ATF7: variants seen among roughly 807,000 people sequenced by gnomAD.
ATF7 encodes the protein activating transcription factor 7.
In ATF7, 10 loss-of-function variants were observed where a neutral mutation model predicts 50.4. The observed-to-expected ratio is 0.20, with a 90% confidence interval of 0.12 to 0.34. The LOEUF is 0.34. Among genes scored for constraint, ATF7 ranks in the 10% least tolerant of loss-of-function variants. ATF7 has a pLI of 1.00. For synonymous variants in ATF7, 201 were observed against 226.4 expected (o/e 0.89, Z 1.01); for missense variants, 465 against 613.9 (o/e 0.76, Z 2.56).
In ATF7 at chr12:53,524,688, C is replaced by T. The variant is rs1333584812; in HGVS notation, c.1001G>A (p.Arg334Gln). 2.5e-6 allele frequency: 4 copies of T among 1,613,390 alleles called. No individual in the cohort carries two copies. Among genetic ancestry groups the T allele is most frequent in the East Asian group, 2.2e-5 (1 of 44,890 alleles). Reference protein sequence around the residue: ...RRTVDEDPDERRQRFLERNRA... With the variant: ...RRTVDEDPDEQRQRFLERNRA... ...GTTGCGCTCCAGAAAGCGCTGCCGTCGCTCATCTGGATCTTCATCTACTGT... is the reference window on the plus strand; with the variant it reads ...GTTGCGCTCCAGAAAGCGCTGCCGTTGCTCATCTGGATCTTCATCTACTGT... Residue 334 changes from arginine (R) to glutamine (Q), a missense_variant, in exon 10 of 12, where the codon CGA (arginine) becomes CAA (glutamine). Physicochemically the swap from Arg to Gln is conservative, Grantham distance 43. Coordinates refer to ENST00000420353, the MANE Select transcript of ATF7 (RefSeq NM_006856.3). This position sits in a 1 kb window ranked among gnomAD's most constrained non-coding sequence, Gnocchi z 4.6.
At chr12:53,615,752 G>A (rs551274849) in intron 1 of ATF7, among the ~76,000 whole-genome samples, 2 of 152,066 alleles carry the variant, frequency 1.3e-5, no homozygotes, top group Admixed American at 6.6e-5. Flanking sequence ...GGGGGTGTGC[G>A]TCTGTAGTCC....
At chr12:53,542,267 T>TA (rs1272320832) in intron 4 of ATF7, among the ~76,000 whole-genome samples, 6 of 148,166 alleles carry the variant, frequency 4.0e-5, no homozygotes, top group Non-Finnish European at 6.0e-5. Flanking sequence ...CTACTAAACA[T>TA]AAAAAAAAAA....
intron 3 of ATF7, among the ~76,000 whole-genome samples, chr12:53,546,249 G>A (rs904257143): frequency 1.1e-4 from 17 of 151,886 alleles, no homozygotes; most frequent in Admixed American, 7.2e-4. Context: ...ATTAACCGGT[G>A]TGGTGGTACA....
At chr12:53,607,786 A>G (rs1168861023) in intron 1 of ATF7, among the ~76,000 whole-genome samples, 1 of 152,240 alleles carries the variant, frequency 6.6e-6, no homozygotes, top group Non-Finnish European at 1.5e-5. Context: ...GGATAATGGC[A>G]TCCTAGGTGA....
chr12:53,587,843 A>ATATATATATATATATATTTTTTTTT, intron 2 of ATF7, among the ~76,000 whole-genome samples: 1 of 61,568 alleles, frequency 1.6e-5, no homozygotes, highest in African/African-American at 5.1e-5. Context: ...ATATATATAT[A>ATATATATATATATATATTTTTTTTT]TTTTTTTTTT....
chr12:53,543,615 G>C (rs957042891), intron 3 of ATF7, among the ~76,000 whole-genome samples, 167 bp from the exon 4 acceptor site: 4 of 152,158 alleles, frequency 2.6e-5, no homozygotes, highest in Admixed American at 1.3e-4. Flanking sequence ...GGCTGGTGTA[G>C]GCCACCAGAG....
intron 1 of ATF7, among the ~76,000 whole-genome samples, chr12:53,602,246 C>T (rs1274497105): frequency 6.6e-6 from 1 of 152,062 alleles, no homozygotes; most frequent in Non-Finnish European, 1.5e-5. Context: ...TTTGAATATG[C>T]CTGCAAGTGA....
intron 2 of ATF7, chr12:53,574,738 C>T (rs1941960957): frequency 5.8e-6 from 1 of 171,314 alleles, no homozygotes; most frequent in African/African-American, 2.4e-5. Flanking sequence ...AGGGTTGTCT[C>T]CTAAGACAAT....
At chr12:53,577,207 G>A (rs1485024679) in intron 2 of ATF7, among the ~76,000 whole-genome samples, 5 of 152,052 alleles carry the variant, frequency 3.3e-5, no homozygotes, top group African/African-American at 1.2e-4. Flanking sequence ...GATGACTTGA[G>A]CCCACGAGTT....
At position 53,572,684 on chromosome 12, in the gene ATF7, C is replaced by A. The variant is rs988627853; in HGVS notation, c.49-20047G>T. Among the ~76,000 whole-genome samples, 3 of 152,106 alleles carry A rather than the reference C, an allele frequency of 2.0e-5. No homozygotes were observed. The East Asian group carries it at 5.8e-4, about 29-fold the overall frequency. ...AGTACTGGTCGAGTAAGGTGGCTCA[C>A]ACCTATAATTCCAGCATTTTGGGAG... is the stretch of plus-strand genomic sequence containing the variant. On this transcript the variant is annotated intron_variant, in intron 2 of 11. Coordinates refer to ENST00000420353, the MANE Select transcript of ATF7 (RefSeq NM_006856.3).
intron 2 of ATF7, among the ~76,000 whole-genome samples, chr12:53,599,737 T>C (rs1298050105): frequency 6.6e-6 from 1 of 152,182 alleles, no homozygotes; most frequent in Non-Finnish European, 1.5e-5. Flanking sequence ...TTACAATGTT[T>C]AATATAACTA....
rs942874891 is a variant in ATF7, at chr12:53,565,493, C to T, written c.49-12856G>A. 1.5e-3 allele frequency among the ~76,000 whole-genome samples: 6 copies of T among 3,926 alleles called. No individual in the cohort carries two copies. The East Asian group carries it at 0.06, about 39-fold the overall frequency. 2.6% of individuals were successfully genotyped at this position (3,926 alleles called of 152,430 possible). ...CACACTCTCTTTTTCTGGGCGGGGGCGGGGGGGAGGGGGGCAGGGGGCAGA... is the reference window on the plus strand; with the variant it reads ...CACACTCTCTTTTTCTGGGCGGGGGTGGGGGGGAGGGGGGCAGGGGGCAGA... On this transcript the variant is annotated intron_variant, in intron 2 of 11. Coordinates refer to ENST00000420353, the MANE Select transcript of ATF7 (RefSeq NM_006856.3).
intron 9 of ATF7, among the ~76,000 whole-genome samples, chr12:53,526,722 G>A (rs1050821508): frequency 4.3e-4 from 65 of 150,286 alleles, no homozygotes; most frequent in African/African-American, 1.6e-3. Flanking sequence ...GTGGTGGCAG[G>A]CGCCTGTAAT....
At chr12:53,569,043 A>G (rs1941608919) in intron 2 of ATF7, among the ~76,000 whole-genome samples, 1 of 152,168 alleles carries the variant, frequency 6.6e-6, no homozygotes, top group Admixed American at 6.6e-5. Context: ...CTGTAGTCCC[A>G]GCTACTTGGG....
At chr12:53,550,204 A>T (rs975572234) in intron 3 of ATF7, among the ~76,000 whole-genome samples, 3 of 151,660 alleles carry the variant, frequency 2.0e-5, no homozygotes, top group African/African-American at 7.3e-5. Context: ...CGCGCCTACA[A>T]TCCCAGCTAC....
At chr12:53,551,566 A>T (rs1940354644) in intron 3 of ATF7, among the ~76,000 whole-genome samples, 2 of 152,230 alleles carry the variant, frequency 1.3e-5, no homozygotes, top group African/African-American at 4.8e-5. Flanking sequence ...CCTGGTGTAT[A>T]CAGTAGATAT....
At chr12:53,570,642 A>G (rs543958248) in intron 2 of ATF7, among the ~76,000 whole-genome samples, 38 of 151,912 alleles carry the variant, frequency 2.5e-4, no homozygotes, top group Non-Finnish European at 4.4e-4. Flanking sequence ...AATGTGTTTC[A>G]TGTCTCTCCT....
chr12:53,622,104 C>T (rs1413354066), intron 1 of ATF7, among the ~76,000 whole-genome samples: 2 of 151,606 alleles, frequency 1.3e-5, no homozygotes, highest in Non-Finnish European at 2.9e-5. Flanking sequence ...AGTTCAAGAC[C>T]AGCCTGGCCA....
At chr12:53,510,220 G>A (rs1297777579), downstream of ATF7, among the ~76,000 whole-genome samples, 2 of 151,984 alleles carry the variant, frequency 1.3e-5, no homozygotes, top group Non-Finnish European at 2.9e-5. Flanking sequence ...TGTATTTTTA[G>A]TAGAGATGGG....
Sources: allele counts gnomAD v4.1 joint callset (sites outside exome capture counted in the v4.1 genomes callset), GRCh38; gene constraint gnomAD v4.1.1; non-coding constraint Gnocchi (gnomAD v3.1); transcripts MANE v1.5; gene names NCBI Gene and HGNC (gene_info 2026-07-23, HGNC 2026-07-21).